PCGF3: variants seen among roughly 807,000 people sequenced by gnomAD.
The protein encoded by PCGF3 is polycomb group RING finger protein 3.
Under a neutral mutation model 33.1 loss-of-function variants are expected in PCGF3, and 7 were observed. The observed-to-expected ratio is 0.21, with a 90% CI of 0.12 to 0.40. The LOEUF is 0.40. PCGF3 is among the 10% of genes least tolerant of loss of function. The pLI, the probability that PCGF3 is intolerant of heterozygous loss-of-function variation, is 1.00. For synonymous variants in PCGF3, 153 were observed against 121.3 expected (o/e 1.26, Z -1.72); for missense variants, 211 against 313.3 (o/e 0.67, Z 2.46).
chr4:768,209 C>T (rs1466464342), exon 11 of PCGF3: 2 of 152,812 alleles, frequency 1.3e-5, no homozygotes, highest in Middle Eastern at 3.4e-3. Flanking sequence ...GTTAACCTGA[C>T]AAAACCTCAG....
At chr4:758,165 C>CAAAAA (rs61081270) in intron 8 of PCGF3, among the ~76,000 whole-genome samples, 4 of 54,904 alleles carry the variant, frequency 7.3e-5, no homozygotes, top group African/African-American at 3.1e-4. Flanking sequence ...GACTCTGTCT[C>CAAAAA]AAAAAAAAAA....
intron 8 of PCGF3, among the ~76,000 whole-genome samples, chr4:755,958 G>T (rs1744752475): frequency 7.6e-6 from 1 of 131,266 alleles, no homozygotes; most frequent in African/African-American, 2.9e-5. Context: ...CTCTTGCCCA[G>T]GCTGGAGTGC....
At chr4:767,718 T>A (rs541300276) in exon 11 of PCGF3, 25 of 152,656 alleles carry the variant, frequency 1.6e-4, no homozygotes, top group African/African-American at 5.8e-4. Flanking sequence ...TGGTCAAAAT[T>A]CATCTCTTTC....
At chr4:765,738 G>A (rs751495318) in intron 10 of PCGF3, among the ~76,000 whole-genome samples, 20 of 152,192 alleles carry the variant, frequency 1.3e-4, no homozygotes, top group African/African-American at 4.6e-4. Flanking sequence ...TGAGGGAGAA[G>A]GGGGCAGGGG....
At chr4:709,483 G>A (rs1345110723) in intron 1 of PCGF3, among the ~76,000 whole-genome samples, 4 of 152,208 alleles carry the variant, frequency 2.6e-5, no homozygotes, top group African/African-American at 4.8e-5. Context: ...AAAGGCAAGC[G>A]TGAATGATCC....
At chr4:711,918 A>G (rs925447399) in intron 1 of PCGF3, among the ~76,000 whole-genome samples, 1 of 151,382 alleles carries the variant, frequency 6.6e-6, no homozygotes, top group African/African-American at 2.4e-5. Flanking sequence ...CTGAGATTGC[A>G]CTCCAGACTG....
chr4:743,218 G>A (rs1448661197), intron 6 of PCGF3, among the ~76,000 whole-genome samples: 1 of 152,226 alleles, frequency 6.6e-6, no homozygotes, highest in East Asian at 1.9e-4. Context: ...CCCAGGCCCC[G>A]TGCCTGTCCT....
At chr4:712,752 C>G (rs1381532265) in intron 1 of PCGF3, among the ~76,000 whole-genome samples, 2 of 152,228 alleles carry the variant, frequency 1.3e-5, no homozygotes. Flanking sequence ...GGCCAATAAA[C>G]TCTAATATTT....
chr4:768,280 G>A (rs527880048), exon 11 of PCGF3: 2 of 152,624 alleles, frequency 1.3e-5, no homozygotes, highest in Non-Finnish European at 2.9e-5. Flanking sequence ...TACAGGACTC[G>A]GCCCTGGGGC....
At chr4:725,522 G>T (rs1050274321) in intron 1 of PCGF3, among the ~76,000 whole-genome samples, 1 of 149,218 alleles carries the variant, frequency 6.7e-6, no homozygotes, top group Non-Finnish European at 1.5e-5. Flanking sequence ...CTGTGGCTCC[G>T]TGGGCTGCCG....
exon 11 of PCGF3, chr4:768,066 T>C (rs1577455462): frequency 6.5e-6 from 1 of 152,690 alleles, no homozygotes; most frequent in African/African-American, 2.4e-5. Flanking sequence ...AATATATATT[T>C]GTAACTTTGT....
intron 8 of PCGF3, among the ~76,000 whole-genome samples, chr4:756,014 G>C (rs991726071): frequency 1.4e-5 from 2 of 141,920 alleles, no homozygotes; most frequent in Non-Finnish European, 3.0e-5. Flanking sequence ...CCGGGTTCAA[G>C]CGATTCTTCT....
intron 3 of PCGF3, chr4:732,293 C>CCCCTCACCTCCCTTCCCTCCCTA (rs1743609698): frequency 6.4e-6 from 1 of 157,114 alleles, no homozygotes; most frequent in Non-Finnish European, 1.4e-5. Context: ...GGTGGGGCTC[C>CCCCTCACCTCCCTTCCCTCCCTA]CCCTCACCTC....
rs57690550 is a variant in PCGF3 at position 727,233 on chromosome 4, CTTTTT to C, written c.-189-3376_-189-3372del. Among the ~76,000 whole-genome samples the C allele has an allele frequency of 4.9e-3, 303 of 61,888 alleles. 2 individuals are homozygous for C. In the Middle Eastern group the frequency reaches 0.068, roughly 14 times the overall value. 40.6% of individuals were successfully genotyped at this position (61,888 alleles called of 152,430 possible). A position where few individuals can be genotyped will look rare whatever the true frequency, so the allele number is the denominator to read the frequency against. On this transcript the variant is annotated intron_variant, in intron 1 of 10. Coordinates refer to ENST00000362003, the Ensembl canonical transcript of PCGF3. Reference sequence around the variant, plus strand: ...AGAGGATGTGTGTGTTAGCGAGCGTCTTTTTTTTTTTTTTTTTTTTTTTTTGAGAT... The same window carrying C: ...AGAGGATGTGTGTGTTAGCGAGCGTCTTTTTTTTTTTTTTTTTTTTGAGAT...
intron 9 of PCGF3, chr4:762,010 G>T: frequency 1.0e-6 from 1 of 985,372 alleles, no homozygotes; most frequent in Non-Finnish European, 1.2e-6. Flanking sequence ...ACGCAGGAGA[G>T]GCCAGCGCCA....
Position 718,554 on chromosome 4 carries a change from G to A in PCGF3, c.-189-12076G>A, listed in dbSNP as rs192514870. Among the ~76,000 whole-genome samples, 84 of 152,360 alleles carry A rather than the reference G, an allele frequency of 5.5e-4. 1 individual carries two copies. The highest frequency in any genetic ancestry group is 1.6e-3 in the African/African-American group (68 of 41,582). On this transcript the variant is annotated intron_variant, in intron 1 of 10. Coordinates refer to ENST00000362003, the Ensembl canonical transcript of PCGF3. The stretch of plus-strand genomic sequence containing the variant: ...CTGAGAAATGTCAGCCCAGCAGTGA[G>A]GCCTGTCCAGTCTCAGCCCTGTCCG...
At chr4:738,258 G>A (rs183377213) in intron 6 of PCGF3, among the ~76,000 whole-genome samples, 15 of 152,232 alleles carry the variant, frequency 9.9e-5, no homozygotes, top group Non-Finnish European at 1.8e-4. Context: ...CAGATCCGTA[G>A]AAACCGTATC....
chr4:710,377 C>G (rs1415443154), intron 1 of PCGF3, among the ~76,000 whole-genome samples: 1 of 152,232 alleles, frequency 6.6e-6, no homozygotes, highest in Non-Finnish European at 1.5e-5. Context: ...GAGTGACATT[C>G]TACCACTTTT....
At chr4:765,208 C>T (rs990224391) in intron 10 of PCGF3, 144 bp downstream of exon 10, 54 of 592,896 alleles carry the variant, frequency 9.1e-5, no homozygotes, top group Middle Eastern at 8.3e-4. Flanking sequence ...ACGAGGCGGG[C>T]GGATCACGAG....
Sources: gnomAD v4.1 joint callset for allele counts (sites outside exome capture counted in the v4.1 genomes callset) on GRCh38, gnomAD v4.1.1 for gene constraint, MANE v1.5 for transcripts, NCBI Gene and HGNC (gene_info 2026-07-23, HGNC 2026-07-21) for gene names.